Variants in MTA1 observed in about 807,000 individuals in gnomAD.
MTA1 encodes the protein metastasis associated 1.
Under a neutral mutation model 97.0 loss-of-function variants are expected in MTA1, and 15 were observed. The observed-to-expected ratio is 0.15, with a 90% confidence interval of 0.10 to 0.24. The LOEUF is 0.24. Among genes scored for constraint, MTA1 ranks in the 10% least tolerant of loss-of-function variants. The pLI, the probability that MTA1 is intolerant of heterozygous loss-of-function variation, is 1.00. For synonymous variants in MTA1, 435 were observed against 417.5 expected (o/e 1.04, Z -0.51); for missense variants, 709 against 1,015.1 (o/e 0.70, Z 4.10).
At position 105,458,322 on chromosome 14, in the gene MTA1, G is replaced by A. The variant is rs781860871; in HGVS notation, c.603G>A (p.Ala201=). The A allele has an allele frequency of 2.7e-5, 43 of 1,612,556 alleles. No individual in the cohort carries two copies. Among genetic ancestry groups the A allele is most frequent in the Admixed American group, 3.3e-5 (2 of 59,990 alleles). ...QSRLETQVWE[A]HNPLTDKQID... ...GGTTGGAGACCCAGGTGTGGGAGGCGCACAACCCACTCACAGACAAGCAGA... is the reference window on the plus strand; with the variant it reads ...GGTTGGAGACCCAGGTGTGGGAGGCACACAACCCACTCACAGACAAGCAGA... The change falls in exon 8 of 21, where the codon GCG becomes GCA. Residue 201 remains alanine (A), a synonymous_variant. Coordinates refer to ENST00000331320, the MANE Select transcript of MTA1 (RefSeq NM_004689.4).
intron 2 of MTA1, among the ~76,000 whole-genome samples, 160 bp downstream of exon 2, chr14:105,438,899 C>T (rs587652670): frequency 2.6e-5 from 4 of 152,302 alleles, no homozygotes; most frequent in South Asian, 2.1e-4. Flanking sequence ...TCACCTGCAC[C>T]GTGGCTCCTC....
At chr14:105,469,207 G>A (rs1286363778) in intron 18 of MTA1, 14 of 616,890 alleles carry the variant, frequency 2.3e-5, no homozygotes, top group Admixed American at 4.6e-5. Context: ...GGTGACTGTC[G>A]GGTCCAAGGC....
intron 1 of MTA1, among the ~76,000 whole-genome samples, chr14:105,423,281 G>A (rs1595246507): frequency 6.8e-6 from 1 of 147,650 alleles, no homozygotes; most frequent in Non-Finnish European, 1.5e-5. Flanking sequence ...GTGCAGAGGC[G>A]CGATTTCGGC....
intron 1 of MTA1, among the ~76,000 whole-genome samples, chr14:105,425,457 A>G (rs774634059): frequency 6.6e-6 from 1 of 151,816 alleles, no homozygotes; most frequent in African/African-American, 2.4e-5. Flanking sequence ...AAGATTTTTT[A>G]TAGAGGCGGA....
At chr14:105,421,851 C>T (rs1425785889) in intron 1 of MTA1, among the ~76,000 whole-genome samples, 1 of 152,258 alleles carries the variant, frequency 6.6e-6, no homozygotes, top group Admixed American at 6.5e-5. Context: ...CTCCCCGAAC[C>T]CTCTGTCCCC....
rs147610186 is a variant in MTA1 at position 105,448,518 on chromosome 14, C to A, written c.191-841C>A. Among the ~76,000 whole-genome samples the A allele has an allele frequency of 8.0e-4, 122 of 152,280 alleles. 4 individuals carry two copies. In the East Asian group the frequency reaches 0.013, roughly 16 times the overall value. On this transcript the variant is annotated intron_variant, in intron 3 of 20. Coordinates refer to ENST00000331320, the MANE Select transcript of MTA1 (RefSeq NM_004689.4). ...TGGGGCTGGTGTGTGGGCCTCTGGG[C>A]CCTGGTGATGTCTGAGTTCAGGGTG...
chr14:105,449,927 G>A (rs968855560), intron 4 of MTA1, 131 bp from the exon 5 acceptor site: 91 of 1,339,270 alleles, frequency 6.8e-5, no homozygotes, highest in Admixed American at 4.0e-4. Flanking sequence ...GACAGTGTCC[G>A]GCAGCAGGAG....
In MTA1 at chr14:105,467,537, C is replaced by T. The variant is rs781980532; in HGVS notation, c.1813+795C>T. ...TGTGGGGTCAGCACGCCGGCTGCAG[C>T]GCAGGGTGGGCCTGAGATCGGGTGC... On this transcript the variant is annotated intron_variant, in intron 18 of 20. Coordinates refer to ENST00000331320, the MANE Select transcript of MTA1 (RefSeq NM_004689.4). 46 of 454,162 alleles carry T rather than the reference C, an allele frequency of 1.0e-4. 1 individual carries two copies. The highest frequency in any genetic ancestry group is 3.5e-5 in the Non-Finnish European group (8 of 225,836). 28.1% of individuals were successfully genotyped at this position (454,162 alleles called of 1,614,324 possible). A position where few individuals can be genotyped will look rare whatever the true frequency, so the allele number is the denominator to read the frequency against.
intron 18 of MTA1, 59 bp from the exon 19 acceptor site, chr14:105,469,408 G>A (rs1367615266): frequency 7.6e-6 from 12 of 1,581,976 alleles, no homozygotes; most frequent in East Asian, 2.2e-5. Context: ...CGTGGTGGGC[G>A]GTGGGAGTGC....
At chr14:105,423,834 T>C (rs2081927375) in intron 1 of MTA1, among the ~76,000 whole-genome samples, 1 of 152,240 alleles carries the variant, frequency 6.6e-6, no homozygotes, top group Non-Finnish European at 1.5e-5. Flanking sequence ...AAAAGTAAAC[T>C]TAAAAAAAAT....
At position 105,420,753 on chromosome 14, in the gene MTA1, C is replaced by T. The variant is rs587629881; in HGVS notation, c.28+690C>T. Among the ~76,000 whole-genome samples the T allele has an allele frequency of 4.6e-5, 7 of 152,322 alleles. No individual in the cohort carries two copies. The East Asian group carries it at 5.8e-4, about 13-fold the overall frequency. On this transcript the variant is annotated intron_variant, in intron 1 of 20. Transcript: ENST00000331320. The surrounding 1 kb of genome is among the most constrained non-coding windows in gnomAD (Gnocchi z 5.3). ...GCAGGGGCTTCCTCCGTGGGCCCAG[C>T]CTCCTGTTGCTCGGGCCCCCCGGGC...
Position 105,463,577 on chromosome 14 carries a change from CCTCGTGGCCCCGGG to C in MTA1, c.1076+27_1076+40del, listed in dbSNP as rs782214518. On this transcript the variant is annotated intron_variant, in intron 12 of 20. Coordinates refer to ENST00000331320, the MANE Select transcript of MTA1 (RefSeq NM_004689.4). This position sits in a 1 kb window ranked among gnomAD's most constrained non-coding sequence, Gnocchi z 5.9. ...GTAAGTGTGCCCTCACAGCCGTCGT[CCTCGTGGCCCCGGG>C]GGCCAGGGAGGGTGGGCACAGGGTG... is the stretch of plus-strand genomic sequence containing the variant. 2.5e-6 allele frequency: 4 copies of C among 1,611,462 alleles called. No homozygotes were observed. The South Asian group carries it at 4.4e-5, about 18-fold the overall frequency.
At chr14:105,450,429 C>T in intron 6 of MTA1, 105 bp downstream of exon 6, 2 of 1,269,532 alleles carry the variant, frequency 1.6e-6, no homozygotes, top group Non-Finnish European at 1.1e-6. Context: ...TTCCCTCCTC[C>T]CTCTAGGCCC....
At chr14:105,455,272 C>T (rs2083099333) in intron 7 of MTA1, among the ~76,000 whole-genome samples, 1 of 152,264 alleles carries the variant, frequency 6.6e-6, no homozygotes, top group Non-Finnish European at 1.5e-5. Context: ...CGTTTCTTGT[C>T]TTGCCTGTGG....
intron 5 of MTA1, 32 bp downstream of exon 5, chr14:105,450,216 T>A (rs782176423): frequency 1.1e-5 from 17 of 1,610,932 alleles, no homozygotes; most frequent in Non-Finnish European, 1.4e-5. Context: ...CCTGGGCCCC[T>A]CGGGCTGCCC....
chr14:105,436,578 C>T (rs587631911), intron 1 of MTA1, among the ~76,000 whole-genome samples: 9 of 152,292 alleles, frequency 5.9e-5, no homozygotes, highest in African/African-American at 9.6e-5. Flanking sequence ...ACGCAGCCGT[C>T]GTGCCTGCCA....
chr14:105,466,428 A>ACCCCCCCCCCCCCCCCC lies in MTA1; in HGVS notation c.1630_1631insCCCCCCCCCCCCCCCCC (p.His544ProfsTer16). 1 of 795,150 alleles carries ACCCCCCCCCCCCCCCCC rather than the reference A, an allele frequency of 1.3e-6. No individual in the cohort carries two copies. The highest frequency in any genetic ancestry group is 2.1e-6 in the Non-Finnish European group (1 of 474,350). The allele number at this position is 795,150 out of a possible 1,614,324, so 49.3% of individuals were successfully genotyped here. ...TCTGCCTGTGTCATTCCCGGCAGAG[A>ACCCCCCCCCCCCCCCCC]CCCACCCCCGCCCCCCCAAGCCTGA... On this transcript the variant is annotated frameshift_variant, in exon 17 of 21. Coordinates refer to ENST00000331320, the MANE Select transcript of MTA1 (RefSeq NM_004689.4). LOFTEE classifies it high-confidence loss of function.
At chr14:105,468,101 G>T (rs1384833100) in intron 18 of MTA1, 9 of 355,220 alleles carry the variant, frequency 2.5e-5, no homozygotes, top group Admixed American at 1.4e-4. Flanking sequence ...GGGTGAAGAC[G>T]GCTCCCGGGG....
chr14:105,434,776 C>A (rs1365071865), intron 1 of MTA1, among the ~76,000 whole-genome samples: 1 of 152,190 alleles, frequency 6.6e-6, no homozygotes, highest in African/African-American at 2.4e-5. Flanking sequence ...GCTGGGATTA[C>A]AGGCGTGAGC....
Sources: gnomAD v4.1 joint callset for allele counts (sites outside exome capture counted in the v4.1 genomes callset) on GRCh38, gnomAD v4.1.1 for gene constraint, Gnocchi (gnomAD v3.1) non-coding constraint, MANE v1.5 for transcripts, NCBI Gene and HGNC (gene_info 2026-07-23, HGNC 2026-07-21) for gene names.